The following CR1 variants were observed in gnomAD, a reference collection of about 807,000 sequenced individuals.
The protein encoded by CR1 is complement C3b/C4b receptor 1 (Knops blood group).
In CR1, 116 loss-of-function variants were observed where a neutral mutation model predicts 187.3. That is an observed-to-expected ratio of 0.62 (90% CI 0.53 to 0.72). The LOEUF (loss-of-function observed/expected upper bound fraction) is 0.72. Among genes scored for constraint, CR1 ranks in the 30% least tolerant of loss-of-function variants. CR1 has a pLI of 0.00. For synonymous variants in CR1, 576 were observed against 747.1 expected, an observed-to-expected ratio of 0.77 and a Z score of 3.73; for missense variants, 1,731 against 2,110.7, an observed-to-expected ratio of 0.82 and a Z score of 3.52.
At chr1:207,597,309 G>A (rs1042461851) in intron 35 of CR1, among the ~76,000 whole-genome samples, 1 of 151,952 alleles carries the variant, frequency 6.6e-6, no homozygotes, top group Non-Finnish European at 1.5e-5. Context: ...GAAAGACAAA[G>A]GCTTCTAAAT....
At chr1:207,525,040 T>G (rs1244507290) in intron 5 of CR1, among the ~76,000 whole-genome samples, 4 of 151,988 alleles carry the variant, frequency 2.6e-5, no homozygotes, top group Admixed American at 6.5e-5. Flanking sequence ...AGCACGCATA[T>G]CTTCATATGC....
intron 3 of CR1, among the ~76,000 whole-genome samples, chr1:207,509,272 A>G (rs924667483): frequency 1.3e-5 from 2 of 152,134 alleles, no homozygotes; most frequent in Admixed American, 6.6e-5. Context: ...TGGAAACGAA[A>G]TGATCATGGC....
chr1:207,611,894 C>T, intron 38 of CR1, 41 bp downstream of exon 38: 2 of 1,613,880 alleles, frequency 1.2e-6, no homozygotes, highest in South Asian at 1.1e-5. Context: ...CTGTTTTCCC[C>T]TTCACATGGA....
intron 1 of CR1, among the ~76,000 whole-genome samples, chr1:207,497,263 T>G (rs1659117926): frequency 1.3e-5 from 2 of 152,164 alleles, no homozygotes; most frequent in African/African-American, 4.8e-5. Context: ...TTATGGAAAT[T>G]TTGAGGCCAC....
intron 29 of CR1, among the ~76,000 whole-genome samples, 197 bp from the exon 30 acceptor site, chr1:207,580,043 A>G (rs979069814): frequency 6.6e-6 from 1 of 152,208 alleles, no homozygotes; most frequent in Non-Finnish European, 1.5e-5. Context: ...GAATCCACCA[A>G]TACTGATAAC....
chr1:207,507,494 C>A (rs1295009312), intron 3 of CR1: 1 of 152,214 alleles, frequency 6.6e-6, no homozygotes, highest in African/African-American at 2.4e-5. Flanking sequence ...GTCGAAAGTG[C>A]TCTCTTTTAA....
intron 1 of CR1, among the ~76,000 whole-genome samples, chr1:207,501,762 A>G (rs528418657): frequency 1.1e-3 from 170 of 152,310 alleles, no homozygotes; most frequent in African/African-American, 3.5e-3. Flanking sequence ...CCCTCTCTCA[A>G]TACAGCTTTT....
chr1:207,611,817 C>T lies in CR1; in HGVS notation c.6436C>T (p.Gln2146Ter), dbSNP rs1373788325. 1 of 1,614,016 alleles carries T rather than the reference C, an allele frequency of 6.2e-7. No homozygotes were observed. Among genetic ancestry groups the T allele is most frequent in the Non-Finnish European group, 8.5e-7 (1 of 1,179,892 alleles). The change falls in exon 38 of 47, where the codon CAG (glutamine) becomes TAG (stop). Residue 2146 changes from glutamine to a stop codon, truncating the protein, a stop_gained. Coordinates refer to ENST00000367049, the MANE Select transcript of CR1 (RefSeq NM_000651.6). LOFTEE classifies it high-confidence loss of function. ...GGCTGCGTCTCTGCACTGCACGCCC[C>T]AGGGAGACTGGAGCCCTGAAGCCCC... ...RGAASLHCTP[Q>*]GDWSPEAPRC... is the part of the protein sequence containing the mutation.
At chr1:207,572,452 C>T (rs1320900007) in intron 27 of CR1, among the ~76,000 whole-genome samples, 1 of 151,836 alleles carries the variant, frequency 6.6e-6, no homozygotes, top group African/African-American at 2.4e-5. Flanking sequence ...TATTGAAGGT[C>T]AGATAATCTT....
chr1:207,603,005 A>G (rs1661648355), intron 35 of CR1, among the ~76,000 whole-genome samples: 1 of 152,130 alleles, frequency 6.6e-6, no homozygotes, highest in Non-Finnish European at 1.5e-5. Flanking sequence ...AAGAAATGGA[A>G]GATATAATAT....
At chr1:207,577,279 A>G (rs897522026) in intron 28 of CR1, among the ~76,000 whole-genome samples, 2 of 151,688 alleles carry the variant, frequency 1.3e-5, no homozygotes, top group African/African-American at 4.9e-5. Context: ...AAAAAAACAC[A>G]TGGACTCTAA....
intron 3 of CR1, among the ~76,000 whole-genome samples, chr1:207,508,647 A>T (rs1330162271): frequency 2.0e-5 from 3 of 152,198 alleles, no homozygotes; most frequent in African/African-American, 7.2e-5. Context: ...ATTAGGGGAA[A>T]ATTGAGTAAA....
At chr1:207,599,827 C>A (rs1011440281) in intron 35 of CR1, among the ~76,000 whole-genome samples, 3 of 152,174 alleles carry the variant, frequency 2.0e-5, no homozygotes, top group Admixed American at 6.5e-5. Context: ...ATCAGGACCA[C>A]CTGAGATGGA....
intron 27 of CR1, 75 bp from the exon 28 acceptor site, chr1:207,575,520 T>C: frequency 2.5e-6 from 4 of 1,588,148 alleles, no homozygotes; most frequent in Non-Finnish European, 3.5e-6. Flanking sequence ...ATCCTTCTGG[T>C]TTGCCACATA....
intron 3 of CR1, among the ~76,000 whole-genome samples, chr1:207,511,058 G>A (rs557987911): frequency 4.6e-5 from 7 of 152,106 alleles, no homozygotes; most frequent in Middle Eastern, 3.4e-3. Context: ...CTGAGCTCAA[G>A]CAATCCTCTT....
At chr1:207,576,878 A>G (rs531944338) in intron 28 of CR1, among the ~76,000 whole-genome samples, 105 of 152,328 alleles carry the variant, frequency 6.9e-4, no homozygotes, top group Middle Eastern at 3.4e-3. Context: ...ATAAAGGCAA[A>G]TGCCTTCTAT....
chr1:207,517,818 C>A (rs1410031324), intron 4 of CR1, among the ~76,000 whole-genome samples: 1 of 152,070 alleles, frequency 6.6e-6, no homozygotes, highest in Non-Finnish European at 1.5e-5. Context: ...CCTTTGGATG[C>A]CTGTAAGTTC....
intron 35 of CR1, among the ~76,000 whole-genome samples, chr1:207,595,171 A>G (rs1278468401): frequency 1.3e-5 from 2 of 151,908 alleles, no homozygotes; most frequent in African/African-American, 2.4e-5. Flanking sequence ...CAAAGGGATA[A>G]TGAAGACAAG....
chr1:207,633,892 GCAGGTAAAGGAAAATTA>G (rs1662728680), intron 46 of CR1, among the ~76,000 whole-genome samples: 2 of 152,168 alleles, frequency 1.3e-5, no homozygotes, highest in Non-Finnish European at 2.9e-5. Flanking sequence ...TAAGATTTGG[GCAGGTAAAGGAAAATTA>G]CAGTCAACGG....
Sources: allele counts gnomAD v4.1 joint callset (sites outside exome capture counted in the v4.1 genomes callset), GRCh38; gene constraint gnomAD v4.1.1; transcripts MANE v1.5; gene names NCBI Gene and HGNC (gene_info 2026-07-23, HGNC 2026-07-21).